WDR19: variants seen among roughly 807,000 people sequenced by gnomAD.
WDR19 encodes the protein WD repeat domain 19.
Under a neutral mutation model 180.0 loss-of-function variants are expected in WDR19, and 121 were observed. The observed-to-expected ratio is 0.67, with a 90% confidence interval of 0.58 to 0.78. The LOEUF is 0.78. Among genes scored for constraint, WDR19 ranks in the 30% least tolerant of loss-of-function variants. The pLI is 0.00. For missense variants in WDR19, 1,450 were observed against 1,640.7 expected, an observed-to-expected ratio of 0.88 and a Z score of 2.01; for synonymous variants, 497 against 540.7, an observed-to-expected ratio of 0.92 and a Z score of 1.12.
chr4:39,224,761 C>A, intron 14 of WDR19, 123 bp from the exon 15 acceptor site: 1 of 860,654 alleles, frequency 1.2e-6, no homozygotes, highest in Non-Finnish European at 1.7e-6. Context: ...TTCTTAGATA[C>A]TTCATCAAAA....
intron 4 of WDR19, among the ~76,000 whole-genome samples, chr4:39,192,074 C>T (rs1456997787): frequency 6.6e-6 from 1 of 152,118 alleles, no homozygotes; most frequent in African/African-American, 2.4e-5. Context: ...ATTACTTGAT[C>T]TTCTTAGAAC....
intron 14 of WDR19, among the ~76,000 whole-genome samples, chr4:39,223,844 G>A (rs1729959354): frequency 6.6e-6 from 1 of 152,136 alleles, no homozygotes. Context: ...TAGTTTATCA[G>A]TCTGTATAAA....
At chr4:39,192,108 AGTTG>A (rs1412813480) in intron 4 of WDR19, among the ~76,000 whole-genome samples, 1 of 152,108 alleles carries the variant, frequency 6.6e-6, no homozygotes, top group Non-Finnish European at 1.5e-5. Flanking sequence ...CTTTCTTTCT[AGTTG>A]GTTGTTGAGT....
chr4:39,218,186 C>A, intron 14 of WDR19, 81 bp downstream of exon 14: 1 of 1,489,028 alleles, frequency 6.7e-7, no homozygotes, highest in African/African-American at 1.4e-5. Context: ...CTTTTCCTAC[C>A]AGTCTTTTTT....
chr4:39,273,110 G>T (rs370700785), intron 32 of WDR19, 49 bp downstream of exon 32: 4 of 1,423,174 alleles, frequency 2.8e-6, no homozygotes, highest in East Asian at 2.5e-5. Flanking sequence ...GCCCCATGCC[G>T]CATGCTAGCC....
chr4:39,220,531 T>C (rs937154427), intron 14 of WDR19, among the ~76,000 whole-genome samples: 1 of 146,994 alleles, frequency 6.8e-6, no homozygotes, highest in African/African-American at 2.5e-5. Flanking sequence ...TCTTCTTCTT[T>C]TTTTTTTTTT....
chr4:39,224,507 A>G (rs1417468455), intron 14 of WDR19, among the ~76,000 whole-genome samples: 1 of 151,966 alleles, frequency 6.6e-6, no homozygotes, highest in African/African-American at 2.4e-5. Context: ...CAGCCTCCCA[A>G]GTAGCTGGGA....
chr4:39,264,787 C>G (rs1368052168), intron 28 of WDR19, among the ~76,000 whole-genome samples: 1 of 152,148 alleles, frequency 6.6e-6, no homozygotes, highest in Non-Finnish European at 1.5e-5. Context: ...CCTAGTGCCT[C>G]CCCTAAATTC....
Position 39,216,173 on chromosome 4 carries a change from G to A in WDR19, c.1212G>A (p.Met404Ile). 6.3e-7 allele frequency: 1 copy of A among 1,585,018 alleles called. No homozygotes were observed. Among genetic ancestry groups the A allele is most frequent in the Non-Finnish European group, 8.6e-7 (1 of 1,165,584 alleles). Residue 404 changes from methionine to isoleucine, a missense_variant, in exon 12 of 37, where the codon ATG (methionine) becomes ATA (isoleucine). Physicochemically the swap from Met to Ile is conservative, Grantham distance 10 (BLOSUM62 1). Coordinates refer to ENST00000399820, the MANE Select transcript of WDR19 (RefSeq NM_025132.4). ...GTCTTTATCATCTGGCTGTAGGAATGAATAATCGAGCTTGGTTTTATGTCC... is the reference window on the plus strand; with the variant it reads ...GTCTTTATCATCTGGCTGTAGGAATAAATAATCGAGCTTGGTTTTATGTCC... The part of the protein sequence containing the change: ...AVGLYHLAVG[M>I]NNRAWFYVLG...
chr4:39,249,633 A>G (rs1253023195), intron 24 of WDR19, among the ~76,000 whole-genome samples: 4 of 152,244 alleles, frequency 2.6e-5, no homozygotes, highest in Non-Finnish European at 5.9e-5. Context: ...GAAGAATCAA[A>G]TAGACGCAAT....
intron 17 of WDR19, 128 bp downstream of exon 17, chr4:39,228,818 T>G (rs1404703341): frequency 6.8e-6 from 7 of 1,029,352 alleles, no homozygotes; most frequent in African/African-American, 5.0e-5. Context: ...TTTTTTTTTT[T>G]GTAAATGTAG....
intron 26 of WDR19, among the ~76,000 whole-genome samples, chr4:39,254,704 G>A (rs11736790): frequency 0.45 from 69,017 of 151,736 alleles, 18,534 homozygotes; most frequent in East Asian, 0.62. Flanking sequence ...GTTGTTATGC[G>A]GCCATCACCA....
rs2101214 is a variant in WDR19 at position 39,280,615 on chromosome 4, A to T, written c.*13+1952A>T. On this transcript the variant is annotated intron_variant, in intron 36 of 36. Coordinates refer to ENST00000399820, the MANE Select transcript of WDR19 (RefSeq NM_025132.4). ...GGCTGAAGTGAGCTGTGATCAAGCC[A>T]CTGTACTCCAGCCTGGGCAACAGGC... 3.3e-5 allele frequency among the ~76,000 whole-genome samples: 5 copies of T among 152,154 alleles called. No homozygotes were observed. In the East Asian group the frequency reaches 9.7e-4, roughly 29 times the overall value.
intron 36 of WDR19, among the ~76,000 whole-genome samples, chr4:39,280,141 T>TTTTTTTTTTTTTTTTTA (rs368949539): frequency 2.3e-5 from 2 of 88,394 alleles, no homozygotes; most frequent in Non-Finnish European, 4.4e-5. Flanking sequence ...TTTTTTTTTT[T>TTTTTTTTTTTTTTTTTA]AATAGAGGCA....
At chr4:39,264,375 G>A (rs1239117353) in intron 28 of WDR19, among the ~76,000 whole-genome samples, 1 of 152,222 alleles carries the variant, frequency 6.6e-6, no homozygotes, top group Admixed American at 6.5e-5. Flanking sequence ...AGTGGCAAGA[G>A]CAGAGGTGAC....
rs753758194 is a variant in WDR19 at position 39,254,041 on chromosome 4, T to C, written c.3001+11T>C. ...ATGCAGATATTATTGGTAAATATCATTTTTTCCCTGGTTCTCTTCAAGATG... is the reference window on the plus strand; with the variant it reads ...ATGCAGATATTATTGGTAAATATCACTTTTTCCCTGGTTCTCTTCAAGATG... On this transcript the variant is annotated intron_variant, in intron 26 of 36. Transcript: ENST00000399820. The C allele has an allele frequency of 6.2e-7, 1 of 1,603,396 alleles. No individual in the cohort carries two copies. Among genetic ancestry groups the C allele is most frequent in the African/African-American group, 1.3e-5 (1 of 74,602 alleles).
intron 5 of WDR19, among the ~76,000 whole-genome samples, chr4:39,199,013 A>AG (rs1560484084): frequency 6.6e-6 from 1 of 151,786 alleles, no homozygotes; most frequent in Non-Finnish European, 1.5e-5. Flanking sequence ...AAAAAAAAAA[A>AG]AGAATTAGCT....
intron 1 of WDR19, among the ~76,000 whole-genome samples, chr4:39,182,989 CCG>C (rs1410969321): frequency 6.6e-6 from 1 of 152,186 alleles, no homozygotes; most frequent in Non-Finnish European, 1.5e-5. Context: ...CTCTGGCAAG[CCG>C]CGCAGCTGCC....
intron 17 of WDR19, among the ~76,000 whole-genome samples, chr4:39,229,935 C>T (rs1577937518): frequency 6.6e-6 from 1 of 152,264 alleles, no homozygotes; most frequent in East Asian, 1.9e-4. Flanking sequence ...AGCTCCTTTC[C>T]TCCTCCCGTG....
Sources: allele counts gnomAD v4.1 joint callset (sites outside exome capture counted in the v4.1 genomes callset), GRCh38; gene constraint gnomAD v4.1.1; transcripts MANE v1.5; gene names NCBI Gene and HGNC (gene_info 2026-07-23, HGNC 2026-07-21).